The following RNLS variants were observed in gnomAD, a reference collection of about 807,000 sequenced individuals.
RNLS encodes renalase.
Under a neutral mutation model 39.8 loss-of-function variants are expected in RNLS, and 39 were observed. That is an observed-to-expected ratio of 0.98 (90% CI 0.76 to 1.28). The LOEUF (loss-of-function observed/expected upper bound fraction) is 1.28. Among genes scored for constraint, RNLS ranks in the 50% most tolerant of loss-of-function variants. The probability of loss-of-function intolerance (pLI) is 0.00; values close to 1 mark genes in which losing one functional copy is unlikely to be tolerated. For missense variants in RNLS, 410 were observed against 413.3 expected (o/e 0.99, Z 0.07); for synonymous variants, 147 against 150.7 (o/e 0.98, Z 0.18).
chr10:88,336,647 C>G (rs1244558773), intron 5 of RNLS, among the ~76,000 whole-genome samples: 1 of 152,168 alleles, frequency 6.6e-6, no homozygotes, highest in African/African-American at 2.4e-5. Flanking sequence ...ATTGTTCACA[C>G]AAGAGTGTGT....
intron 4 of RNLS, among the ~76,000 whole-genome samples, chr10:88,387,515 A>G (rs1851941730): frequency 6.6e-6 from 1 of 151,896 alleles, no homozygotes; most frequent in Non-Finnish European, 1.5e-5. Flanking sequence ...AAAAAAAAAA[A>G]AAAAAAAAAG....
intron 4 of RNLS, among the ~76,000 whole-genome samples, chr10:88,492,406 A>AT (rs1414500972): frequency 1.6e-4 from 22 of 139,776 alleles, no homozygotes; most frequent in African/African-American, 5.4e-4. Context: ...CTGCTTTTTA[A>AT]TTTTTTTTCT....
intron 4 of RNLS, among the ~76,000 whole-genome samples, chr10:88,393,651 C>G (rs2133593338): frequency 6.6e-6 from 1 of 152,216 alleles, no homozygotes; most frequent in South Asian, 2.1e-4. Flanking sequence ...CCATCCCCAT[C>G]AAGCTACCAA....
intron 4 of RNLS, among the ~76,000 whole-genome samples, chr10:88,447,938 G>A (rs1842138129): frequency 6.6e-6 from 1 of 152,176 alleles, no homozygotes; most frequent in Admixed American, 6.5e-5. Flanking sequence ...ATGGTGCTGG[G>A]AAAACTGGCT....
At chr10:88,570,019 GA>G (rs1286274723) in intron 4 of RNLS, among the ~76,000 whole-genome samples, 1 of 152,048 alleles carries the variant, frequency 6.6e-6, no homozygotes, top group Non-Finnish European at 1.5e-5. Context: ...AAACATTTAG[GA>G]AAGAAATAAC....
chr10:88,381,679 G>C (rs1851506551), intron 4 of RNLS, among the ~76,000 whole-genome samples: 1 of 151,900 alleles, frequency 6.6e-6, no homozygotes, highest in Non-Finnish European at 1.5e-5. Flanking sequence ...ATATCAAACA[G>C]AGACAGTTTT....
intron 4 of RNLS, among the ~76,000 whole-genome samples, chr10:88,363,898 A>T (rs1407007077): frequency 6.6e-6 from 1 of 152,176 alleles, no homozygotes; most frequent in Non-Finnish European, 1.5e-5. Context: ...ATATGAAATA[A>T]TGCATAGCAC....
At chr10:88,387,953 A>G (rs1851972148) in intron 4 of RNLS, among the ~76,000 whole-genome samples, 1 of 152,178 alleles carries the variant, frequency 6.6e-6, no homozygotes. Context: ...GGTATTTGGA[A>G]GGGGAGATGG....
intron 5 of RNLS, among the ~76,000 whole-genome samples, chr10:88,321,847 G>A (rs1010616423): frequency 3.5e-4 from 54 of 152,122 alleles, no homozygotes; most frequent in Non-Finnish European, 1.5e-4. Flanking sequence ...TTCAGGACTA[G>A]ACAGACTCAT....
chr10:88,502,797 A>G lies in RNLS; in HGVS notation c.526+70106T>C, dbSNP rs148633998. On this transcript the variant is annotated intron_variant, in intron 4 of 6. Coordinates refer to ENST00000331772, the MANE Select transcript of RNLS (RefSeq NM_001031709.3). ...TTCCTGATGACCCAGAAAACCTGAT[A>G]GTTCTCAGAAGAATAACAAATCTGT... Among the ~76,000 whole-genome samples the G allele has an allele frequency of 1.1e-4, 16 of 152,252 alleles. 1 individual carries two copies. In the East Asian group the frequency reaches 3.1e-3, roughly 29 times the overall value.
At chr10:88,427,357 T>C (rs1239493479) in intron 4 of RNLS, among the ~76,000 whole-genome samples, 2 of 151,966 alleles carry the variant, frequency 1.3e-5, no homozygotes, top group Non-Finnish European at 2.9e-5. Flanking sequence ...TTTATGGCAT[T>C]TCAGAACAAG....
chr10:88,505,577 AG>A (rs963938044), intron 4 of RNLS, among the ~76,000 whole-genome samples: 2 of 152,102 alleles, frequency 1.3e-5, no homozygotes, highest in African/African-American at 4.8e-5. Flanking sequence ...AATAAAAAAA[AG>A]TTTTTTAAAG....
chr10:88,418,629 A>G (rs1019710479), intron 4 of RNLS, among the ~76,000 whole-genome samples: 2 of 152,226 alleles, frequency 1.3e-5, no homozygotes, highest in Admixed American at 1.3e-4. Flanking sequence ...ATTTGAGATA[A>G]GAATCAAACA....
In RNLS at chr10:88,430,815, C is replaced by A. The variant is rs548058710; in HGVS notation, c.527-68090G>T. On this transcript the variant is annotated intron_variant, in intron 4 of 6. Transcript: ENST00000331772. ...AATTAAATTTTGAATGTTAGACAAA[C>A]CTTCCATTTATGGGATAAACCCCAT... 7.1e-4 allele frequency among the ~76,000 whole-genome samples: 108 copies of A among 151,818 alleles called. 1 individual carries two copies. Among genetic ancestry groups the A allele is most frequent in the South Asian group, 6.2e-3 (30 of 4,824 alleles).
At chr10:88,543,785 T>C (rs1456723439) in intron 4 of RNLS, among the ~76,000 whole-genome samples, 1 of 152,178 alleles carries the variant, frequency 6.6e-6, no homozygotes, top group Non-Finnish European at 1.5e-5. Flanking sequence ...TACAAGTTAG[T>C]CACTAAAAAC....
At chr10:88,565,983 G>A (rs1224951078) in intron 4 of RNLS, among the ~76,000 whole-genome samples, 6 of 151,668 alleles carry the variant, frequency 4.0e-5, no homozygotes, top group East Asian at 1.9e-4. Context: ...TCTTGACCTC[G>A]TGATCCGCCC....
rs74455143 is a variant in RNLS, at chr10:88,582,529, T to A, written c.119-222A>T. Among the ~76,000 whole-genome samples, 2,213 of 152,254 alleles carry A rather than the reference T, an allele frequency of 0.015. 65 individuals are homozygous for A. The highest frequency in any genetic ancestry group is 0.05 in the African/African-American group (2,081 of 41,530). ...GCATATATTTAGTAATAGGAGTCAG[T>A]GAATGGATAAAACTAAAAATGATGA... On this transcript the variant is annotated intron_variant, in intron 1 of 6. Coordinates refer to ENST00000331772, the MANE Select transcript of RNLS (RefSeq NM_001031709.3).
chr10:88,458,145 G>A (rs1178695429), intron 4 of RNLS, among the ~76,000 whole-genome samples: 1 of 152,152 alleles, frequency 6.6e-6, no homozygotes, highest in Non-Finnish European at 1.5e-5. Context: ...TCTCCCATCT[G>A]GGTTAGCTTT....
chr10:88,374,588 C>G (rs1850821733), intron 4 of RNLS, among the ~76,000 whole-genome samples: 1 of 152,064 alleles, frequency 6.6e-6, no homozygotes, highest in Admixed American at 6.6e-5. Flanking sequence ...AGGGCGTGAT[C>G]TCGATGATGA....
Sources: gnomAD v4.1 joint callset for allele counts (sites outside exome capture counted in the v4.1 genomes callset) on GRCh38, gnomAD v4.1.1 for gene constraint, MANE v1.5 for transcripts, NCBI Gene and HGNC (gene_info 2026-07-23, HGNC 2026-07-21) for gene names.